Variants in PARD3B observed in about 807,000 individuals in gnomAD.
PARD3B encodes partitioning defective 3 homolog B.
In PARD3B, 103 loss-of-function variants were observed where a neutral mutation model predicts 130.2. That is an observed-to-expected ratio of 0.79 (90% CI 0.67 to 0.93). The LOEUF (loss-of-function observed/expected upper bound fraction) is 0.93. Ranked by LOEUF, PARD3B falls within the 40% of genes least tolerant of loss-of-function variation. The probability of loss-of-function intolerance (pLI) is 0.00; values close to 1 mark genes in which losing one functional copy is unlikely to be tolerated. For missense variants in PARD3B, 1,609 were observed against 1,499.2 expected, an observed-to-expected ratio of 1.07 and a Z score of -1.21; for synonymous variants, 583 against 553.2, an observed-to-expected ratio of 1.05 and a Z score of -0.76.
At chr2:204,863,048 G>A (rs1049567201) in intron 2 of PARD3B, among the ~76,000 whole-genome samples, 2 of 152,106 alleles carry the variant, frequency 1.3e-5, no homozygotes, top group Admixed American at 1.3e-4. Flanking sequence ...GTCGGGAAAG[G>A]GCGGGCTCCA....
At chr2:204,702,579 A>AT (rs1217421448) in intron 2 of PARD3B, among the ~76,000 whole-genome samples, 1 of 151,450 alleles carries the variant, frequency 6.6e-6, no homozygotes. Context: ...TTTTTATTTT[A>AT]TTTTTTTCTT....
At chr2:205,529,459 GTTC>G (rs2051483586) in intron 21 of PARD3B, among the ~76,000 whole-genome samples, 1 of 152,040 alleles carries the variant, frequency 6.6e-6, no homozygotes, top group Admixed American at 6.6e-5. Context: ...TGTACTCTGT[GTTC>G]TTCTGTAGGA....
At position 204,817,256 on chromosome 2, in the gene PARD3B, A is replaced by AT. The variant is rs200887200; in HGVS notation, c.222+130986dup. Among the ~76,000 whole-genome samples the AT allele has an allele frequency of 4.0e-3, 580 of 145,616 alleles. 6 individuals are homozygous for AT. The highest frequency in any genetic ancestry group is 0.012 in the African/African-American group (481 of 40,008). On this transcript the variant is annotated intron_variant, in intron 2 of 22. Transcript: ENST00000406610. Reference sequence around the variant, plus strand: ...TTACAGATTCTTGGCACATCTAGGAATTTTTTTTTTTTGGTTGCCAGACTA... The same window carrying AT: ...TTACAGATTCTTGGCACATCTAGGAATTTTTTTTTTTTTGGTTGCCAGACTA...
intron 20 of PARD3B, among the ~76,000 whole-genome samples, chr2:205,448,804 C>T (rs937356640): frequency 6.6e-6 from 1 of 151,536 alleles, no homozygotes; most frequent in African/African-American, 2.4e-5. Context: ...CTGAACTTAT[C>T]TTAGTGATAA....
At chr2:204,765,823 A>G (rs1314724502) in intron 2 of PARD3B, among the ~76,000 whole-genome samples, 1 of 152,188 alleles carries the variant, frequency 6.6e-6, no homozygotes, top group East Asian at 1.9e-4. Context: ...TGACAAGGAC[A>G]GTTGAAATAT....
At chr2:204,841,118 A>T (rs1559189137) in intron 2 of PARD3B, among the ~76,000 whole-genome samples, 1 of 152,010 alleles carries the variant, frequency 6.6e-6, no homozygotes, top group South Asian at 2.1e-4. Context: ...TTGTTCTGCA[A>T]CTCGGTTTTC....
At chr2:205,264,376 T>C (rs987206363) in intron 16 of PARD3B, among the ~76,000 whole-genome samples, 2 of 151,172 alleles carry the variant, frequency 1.3e-5, no homozygotes. Flanking sequence ...ATCAGTCTCA[T>C]TTTTGCTATT....
At chr2:205,051,691 T>C (rs1472214456) in intron 4 of PARD3B, among the ~76,000 whole-genome samples, 2 of 152,180 alleles carry the variant, frequency 1.3e-5, no homozygotes, top group Non-Finnish European at 2.9e-5. Flanking sequence ...ATTAAATTTA[T>C]TACAAATTGG....
At chr2:205,202,558 T>TGTCATACCCCTCCCA (rs1351378367) in intron 15 of PARD3B, among the ~76,000 whole-genome samples, 2 of 152,230 alleles carry the variant, frequency 1.3e-5, no homozygotes, top group Non-Finnish European at 2.9e-5. Flanking sequence ...AGGCCATCCC[T>TGTCATACCCCTCCCA]GTCATACCCC....
chr2:204,653,328 G>T (rs2035544623), intron 1 of PARD3B, among the ~76,000 whole-genome samples: 1 of 150,258 alleles, frequency 6.7e-6, no homozygotes, highest in South Asian at 2.1e-4. Context: ...GAAAGTCATT[G>T]TAACCCCTTC....
intron 22 of PARD3B, among the ~76,000 whole-genome samples, chr2:205,609,486 C>T (rs771908146): frequency 5.9e-5 from 9 of 152,056 alleles, no homozygotes; most frequent in East Asian, 1.9e-4. Flanking sequence ...TACTTCCTGC[C>T]GTTCAAACCC....
At position 205,300,819 on chromosome 2, in the gene PARD3B, G is replaced by A; in HGVS notation, c.2392+83G>A. The A allele has an allele frequency of 7.7e-7, 1 of 1,303,624 alleles. No individual in the cohort carries two copies. Among genetic ancestry groups the A allele is most frequent in the Non-Finnish European group, 1.1e-6 (1 of 941,150 alleles). The allele number at this position is 1,303,624 out of a possible 1,614,324, so 80.8% of individuals were successfully genotyped here. On this transcript the variant is annotated intron_variant, in intron 17 of 22. Transcript: ENST00000406610. The surrounding 1 kb of genome is among the most constrained non-coding windows in gnomAD (Gnocchi z 4.1). ...GGGCAAGAATGTGTGCTCAACTACA[G>A]AAAAAAATGATTTAAGGATCACAAT...
At chr2:205,445,024 A>T (rs1002728590) in intron 20 of PARD3B, among the ~76,000 whole-genome samples, 4 of 152,144 alleles carry the variant, frequency 2.6e-5, no homozygotes, top group Non-Finnish European at 4.4e-5. Context: ...GGTGACAAAG[A>T]GAGAGCAGAG....
chr2:204,576,145 C>G (rs890342382), intron 1 of PARD3B, among the ~76,000 whole-genome samples: 1 of 152,138 alleles, frequency 6.6e-6, no homozygotes, highest in African/African-American at 2.4e-5. Context: ...CATCATCTAG[C>G]CTTTGGTCTG....
At chr2:205,449,148 A>G (rs982082838) in intron 20 of PARD3B, among the ~76,000 whole-genome samples, 1 of 149,390 alleles carries the variant, frequency 6.7e-6, no homozygotes, top group Non-Finnish European at 1.5e-5. Context: ...CCTGGGCAAC[A>G]AGAGCGAAAC....
At chr2:204,716,945 T>G (rs2038760807) in intron 2 of PARD3B, among the ~76,000 whole-genome samples, 1 of 152,168 alleles carries the variant, frequency 6.6e-6, no homozygotes, top group Admixed American at 6.5e-5. Context: ...TGCACTAACC[T>G]AATAACGTGC....
intron 4 of PARD3B, among the ~76,000 whole-genome samples, chr2:205,071,884 A>T (rs1011202315): frequency 5.3e-5 from 8 of 152,230 alleles, no homozygotes; most frequent in Non-Finnish European, 1.5e-5. Context: ...TATCTTAAAA[A>T]AAACAAAAAA....
rs188488471 is a variant in PARD3B, at chr2:205,330,068, C to T, written c.2630+28367C>T. Among the ~76,000 whole-genome samples the T allele has an allele frequency of 1.1e-3, 173 of 150,958 alleles. 1 individual carries two copies. Among genetic ancestry groups the T allele is most frequent in the African/African-American group, 4.1e-3 (167 of 41,028 alleles). On this transcript the variant is annotated intron_variant, in intron 18 of 22. Coordinates refer to ENST00000406610, the MANE Select transcript of PARD3B (RefSeq NM_001302769.2). The stretch of plus-strand genomic sequence containing the variant: ...ATAAATCATTAACGTAGGCTGGGCA[C>T]GGTGGCTCACGACTGTAATCCCAGC...
intron 2 of PARD3B, among the ~76,000 whole-genome samples, chr2:204,717,142 G>C (rs1041276352): frequency 3.3e-5 from 5 of 152,148 alleles, no homozygotes; most frequent in African/African-American, 1.2e-4. Flanking sequence ...GCTAAATAAA[G>C]TGATCTAAGA....
Sources: allele counts gnomAD v4.1 joint callset (sites outside exome capture counted in the v4.1 genomes callset), GRCh38; gene constraint gnomAD v4.1.1; non-coding constraint Gnocchi (gnomAD v3.1); transcripts MANE v1.5; gene names NCBI Gene and HGNC (gene_info 2026-07-23, HGNC 2026-07-21).